Variants in EYS observed in about 807,000 individuals in gnomAD.
The protein encoded by EYS is EGF-like photoreceptor maintenance factor.
A neutral mutation model predicts 282.1 loss-of-function variants in EYS; 250 were observed. The observed-to-expected ratio is 0.89, with a 90% CI of 0.80 to 0.98. The LOEUF is 0.98. Ranked by LOEUF, EYS falls within the 50% of genes least tolerant of loss-of-function variation. The pLI, the probability that EYS is intolerant of heterozygous loss-of-function variation, is 0.00. For missense variants in EYS, 4,016 were observed against 3,709.0 expected (o/e 1.08, Z -2.15); for synonymous variants, 1,355 against 1,282.9 (o/e 1.06, Z -1.20).
At chr6:65,238,597 A>G (rs1766983358) in intron 12 of EYS, among the ~76,000 whole-genome samples, 1 of 152,020 alleles carries the variant, frequency 6.6e-6, no homozygotes, top group African/African-American at 2.4e-5. Context: ...AGTGTACGAA[A>G]GCACTTTTAA....
intron 37 of EYS, among the ~76,000 whole-genome samples, chr6:63,792,302 C>T (rs1478192282): frequency 6.6e-6 from 1 of 151,896 alleles, no homozygotes; most frequent in Non-Finnish European, 1.5e-5. Flanking sequence ...TCCTCTGCTA[C>T]TCCTTCAACT....
intron 1 of EYS, among the ~76,000 whole-genome samples, chr6:65,667,423 A>C (rs1768238171): frequency 6.6e-6 from 1 of 151,828 alleles, no homozygotes; most frequent in African/African-American, 2.4e-5. Flanking sequence ...ATTTATGTTC[A>C]TTTCCAGCAA....
intron 12 of EYS, among the ~76,000 whole-genome samples, chr6:65,084,252 G>A (rs1255618030): frequency 6.6e-6 from 1 of 152,000 alleles, no homozygotes; most frequent in African/African-American, 2.4e-5. Context: ...TATTGTTAAT[G>A]ACAATTGCCA....
chr6:65,170,413 A>G (rs2150227048), intron 12 of EYS, among the ~76,000 whole-genome samples: 1 of 151,680 alleles, frequency 6.6e-6, no homozygotes, highest in African/African-American at 2.4e-5. Context: ...TGACCACAAA[A>G]AGACGTACTA....
At chr6:64,924,824 T>C (rs1025910163) in intron 15 of EYS, among the ~76,000 whole-genome samples, 2 of 152,204 alleles carry the variant, frequency 1.3e-5, no homozygotes, top group African/African-American at 4.8e-5. Flanking sequence ...AGCCTGGACC[T>C]TATTGTCCAT....
chr6:64,268,426 T>G (rs1295482155), intron 30 of EYS, among the ~76,000 whole-genome samples: 2 of 152,054 alleles, frequency 1.3e-5, no homozygotes, highest in East Asian at 1.9e-4. Flanking sequence ...TGTAGTCTTT[T>G]GGGTAATTAA....
intron 35 of EYS, among the ~76,000 whole-genome samples, chr6:63,955,708 A>G (rs1298987118): frequency 6.6e-6 from 1 of 152,214 alleles, no homozygotes; most frequent in Non-Finnish European, 1.5e-5. Context: ...CTGGCCTGGT[A>G]TATGACAACA....
At chr6:65,440,211 T>C (rs956790300) in intron 5 of EYS, among the ~76,000 whole-genome samples, 1 of 152,062 alleles carries the variant, frequency 6.6e-6, no homozygotes, top group Non-Finnish European at 1.5e-5. Flanking sequence ...TGCATTTTAC[T>C]CTATACCAGT....
At chr6:64,665,499 T>C (rs762430739) in intron 22 of EYS, among the ~76,000 whole-genome samples, 10 of 152,146 alleles carry the variant, frequency 6.6e-5, no homozygotes, top group Non-Finnish European at 1.5e-4. Context: ...TAGTCACCAT[T>C]AATATGGTCA....
chr6:64,647,527 A>G (rs1175506470), intron 22 of EYS, among the ~76,000 whole-genome samples: 1 of 152,188 alleles, frequency 6.6e-6, no homozygotes, highest in Non-Finnish European at 1.5e-5. Flanking sequence ...CAGATTTTCT[A>G]TATGTATAAA....
At chr6:63,984,861 C>T (rs1446936158) in intron 34 of EYS, among the ~76,000 whole-genome samples, 2 of 151,632 alleles carry the variant, frequency 1.3e-5, no homozygotes, top group Non-Finnish European at 3.0e-5. Flanking sequence ...CTCAGAAAAA[C>T]TTGCTGATTG....
At chr6:64,286,815 A>G (rs1365442384) in intron 30 of EYS, among the ~76,000 whole-genome samples, 1 of 152,202 alleles carries the variant, frequency 6.6e-6, no homozygotes, top group Non-Finnish European at 1.5e-5. Context: ...TTTCATACTT[A>G]TATAGGCTTG....
chr6:64,471,543 C>T (rs1350905568), intron 26 of EYS, among the ~76,000 whole-genome samples: 3 of 140,444 alleles, frequency 2.1e-5, no homozygotes, highest in African/African-American at 7.6e-5. Flanking sequence ...TAAAAGACCT[C>T]TATAAGGGAA....
chr6:65,419,585 T>C (rs1043899396), intron 5 of EYS, among the ~76,000 whole-genome samples: 3 of 151,984 alleles, frequency 2.0e-5, no homozygotes, highest in African/African-American at 4.8e-5. Context: ...ATATTTCACA[T>C]GCGATTTTAA....
intron 5 of EYS, among the ~76,000 whole-genome samples, chr6:65,444,412 A>T (rs1238288635): frequency 2.0e-5 from 3 of 151,994 alleles, no homozygotes; most frequent in Non-Finnish European, 4.4e-5. Context: ...AAGAAAGTTT[A>T]TATAAAAAGA....
intron 31 of EYS, among the ~76,000 whole-genome samples, chr6:64,178,911 G>C (rs1214844508): frequency 1.3e-5 from 2 of 151,742 alleles, no homozygotes; most frequent in Admixed American, 1.3e-4. Flanking sequence ...CTGTAGGCAA[G>C]AATGTTGGCT....
chr6:64,202,730 T>G (rs1486101269), intron 31 of EYS, among the ~76,000 whole-genome samples: 3 of 152,132 alleles, frequency 2.0e-5, no homozygotes, highest in African/African-American at 7.2e-5. Context: ...GAGTAGGCCC[T>G]AAGTCCAATA....
chr6:65,650,941 T>TATC (rs1767630121), intron 1 of EYS, among the ~76,000 whole-genome samples: 2 of 152,276 alleles, frequency 1.3e-5, no homozygotes, highest in East Asian at 1.9e-4. Context: ...GGGATTATTT[T>TATC]ATCACATTAG....
intron 31 of EYS, among the ~76,000 whole-genome samples, chr6:64,112,606 G>T (rs1466671600): frequency 6.6e-6 from 1 of 151,592 alleles, no homozygotes; most frequent in Non-Finnish European, 1.5e-5. Context: ...TCTGGAATTG[G>T]TGGCTTTTTA....
Sources: allele counts gnomAD v4.1 joint callset (sites outside exome capture counted in the v4.1 genomes callset), GRCh38; gene constraint gnomAD v4.1.1; transcripts MANE v1.5; gene names NCBI Gene and HGNC (gene_info 2026-07-23, HGNC 2026-07-21).